Variants in MCM10 observed in about 807,000 individuals in gnomAD.
MCM10 encodes the protein protein MCM10 homolog.
In MCM10, 91 loss-of-function variants were observed where a neutral mutation model predicts 109.9. That is an observed-to-expected ratio of 0.83 (90% confidence interval 0.70 to 0.99). The LOEUF (loss-of-function observed/expected upper bound fraction) is 0.99. MCM10 is among the 50% of genes least tolerant of loss of function. The pLI is 0.00. For missense variants in MCM10, 1,077 were observed against 1,061.2 expected, an observed-to-expected ratio of 1.01 and a Z score of -0.21; for synonymous variants, 380 against 387.2, an observed-to-expected ratio of 0.98 and a Z score of 0.22.
intron 8 of MCM10, among the ~76,000 whole-genome samples, chr10:13,184,287 C>G (rs1350428575): frequency 6.6e-6 from 1 of 152,078 alleles, no homozygotes; most frequent in African/African-American, 2.4e-5. Context: ...GCCACCGTGC[C>G]CAGCATGATT....
At chr10:13,200,858 A>G (rs988585812) in intron 16 of MCM10, among the ~76,000 whole-genome samples, 1 of 152,222 alleles carries the variant, frequency 6.6e-6, no homozygotes, top group African/African-American at 2.4e-5. Flanking sequence ...AAAAGTCACC[A>G]AATGGGCCAG....
Position 13,171,070 on chromosome 10 carries a change from T to G in MCM10, c.156T>G (p.Gly52=). 6.2e-7 allele frequency: 1 copy of G among 1,613,974 alleles called. No individual in the cohort carries two copies. ...FDELFDADGD[G]ESYTEEADDG... ...AGCTCTTTGATGCCGACGGCGACGG[T>G]GAATCTTATACAGAAGAGGCTGATG... The change falls in exon 3 of 20, where the codon GGT becomes GGG. Residue 52 remains glycine (G), a synonymous_variant. Coordinates refer to ENST00000378714, the MANE Select transcript of MCM10 (RefSeq NM_018518.5).
intron 2 of MCM10, among the ~76,000 whole-genome samples, chr10:13,166,657 C>CATATATATATATATATAT (rs1491379684): frequency 3.0e-4 from 6 of 19,950 alleles, no homozygotes; most frequent in East Asian, 9.9e-4. Context: ...AAAATACATA[C>CATATATATATATATATAT]ATACATATAT....
chr10:13,190,895 A>C (rs544276289), intron 10 of MCM10, among the ~76,000 whole-genome samples: 52 of 152,166 alleles, frequency 3.4e-4, no homozygotes, highest in Non-Finnish European at 5.9e-5. Flanking sequence ...GCCTTAATTC[A>C]TTTAAACAAT....
intron 2 of MCM10, among the ~76,000 whole-genome samples, chr10:13,165,308 A>G (rs1227793165): frequency 4.6e-5 from 7 of 152,254 alleles, no homozygotes; most frequent in Non-Finnish European, 1.0e-4. Flanking sequence ...TATCCATTGT[A>G]CTGTCCTCAA....
intron 8 of MCM10, 97 bp downstream of exon 8, chr10:13,183,197 T>G: frequency 5.8e-6 from 8 of 1,377,226 alleles, no homozygotes; most frequent in Non-Finnish European, 7.9e-6. Context: ...GGCTCACACC[T>G]GTAATCCTAA....
rs138101188 is a variant in MCM10, at chr10:13,192,728, G to A, written c.1745+160G>A. Among the ~76,000 whole-genome samples, 313 of 151,816 alleles carry A rather than the reference G, an allele frequency of 2.1e-3. 1 individual carries two copies. Among genetic ancestry groups the A allele is most frequent in the African/African-American group, 7.0e-3 (290 of 41,396 alleles). ...TTCCCATAACCTGAATAGCATTTAA[G>A]GCTGTATTATTTCTTACACTGGTGA... On this transcript the variant is annotated intron_variant, in intron 13 of 19. Transcript: ENST00000378714.
At chr10:13,189,515 G>T (rs1026058975) in intron 10 of MCM10, among the ~76,000 whole-genome samples, 2 of 152,086 alleles carry the variant, frequency 1.3e-5, no homozygotes, top group African/African-American at 4.8e-5. Context: ...TACAGACAGG[G>T]TTTCACCATG....
chr10:13,185,283 G>A (rs986738530), intron 8 of MCM10, among the ~76,000 whole-genome samples: 1 of 152,212 alleles, frequency 6.6e-6, no homozygotes, highest in Non-Finnish European at 1.5e-5. Context: ...AGTGTTGTAA[G>A]AGATCTTGTC....
In MCM10 at chr10:13,171,067, C is replaced by A. The variant is rs546875897; in HGVS notation, c.153C>A (p.Asp51Glu). ...AFDELFDADG[D>E]GESYTEEADD... Reference sequence around the variant, plus strand: ...ATGAGCTCTTTGATGCCGACGGCGACGGTGAATCTTATACAGAAGAGGCTG... The same window carrying A: ...ATGAGCTCTTTGATGCCGACGGCGAAGGTGAATCTTATACAGAAGAGGCTG... Residue 51 changes from aspartate to glutamate, a missense_variant, in exon 3 of 20, where the codon GAC becomes GAA. Transcript: ENST00000378714. The A allele has an allele frequency of 1.6e-4, 252 of 1,614,142 alleles. 5 individuals are homozygous for A. In the South Asian group the frequency reaches 2.6e-3, roughly 17 times the overall value.
At chr10:13,164,069 T>G (rs759649785) in intron 1 of MCM10, 59 bp from the exon 2 acceptor site, 42 of 667,288 alleles carry the variant, frequency 6.3e-5, no homozygotes, top group Non-Finnish European at 8.9e-5. Context: ...TTGTTGGATG[T>G]GTGTTGTGAG....
chr10:13,183,500 C>A lies in MCM10; in HGVS notation c.1098+400C>A, dbSNP rs555252041. ...GTCTACCTCCAGAAAATAAGTCATG[C>A]TTTTATGTGATTGTGTCTCCGTGAA... On this transcript the variant is annotated intron_variant, in intron 8 of 19. Transcript: ENST00000378714. 2.6e-5 allele frequency among the ~76,000 whole-genome samples: 4 copies of A among 152,244 alleles called. No homozygotes were observed. In the East Asian group the frequency reaches 7.7e-4, roughly 29 times the overall value.
chr10:13,170,555 C>T (rs546250785), intron 2 of MCM10, among the ~76,000 whole-genome samples: 1 of 152,308 alleles, frequency 6.6e-6, no homozygotes, highest in South Asian at 2.1e-4. Context: ...GCCCACTCTA[C>T]TCACTAAGCA....
At chr10:13,181,398 A>C (rs1205488319) in intron 7 of MCM10, among the ~76,000 whole-genome samples, 1 of 152,166 alleles carries the variant, frequency 6.6e-6, no homozygotes, top group Non-Finnish European at 1.5e-5. Flanking sequence ...GTCCTAAGCC[A>C]TTATCCTCCA....
rs1588483430 is a variant in MCM10, at chr10:13,209,641, C to T, written c.*331C>T. On this transcript the variant is annotated 3_prime_UTR_variant, in exon 20 of 20. Transcript: ENST00000378714. ...GTATCTTTTGGTTATAGAGTGTTCA[C>T]TTCTTTATCATAACAAAATTCTAGT... 1 of 273,952 alleles carries T rather than the reference C, an allele frequency of 3.7e-6. No homozygotes were observed. Among genetic ancestry groups the T allele is most frequent in the East Asian group, 8.1e-5 (1 of 12,308 alleles). 17.0% of individuals were successfully genotyped at this position (273,952 alleles called of 1,614,324 possible).
chr10:13,182,726 TA>T lies in MCM10; in HGVS notation c.931-203del, dbSNP rs1030451598. On this transcript the variant is annotated intron_variant, in intron 7 of 19. Coordinates refer to ENST00000378714, the MANE Select transcript of MCM10 (RefSeq NM_018518.5). This position sits in a 1 kb window ranked among gnomAD's most constrained non-coding sequence, Gnocchi z 4.2. ...GCTTGCTTTATTTCACTTTCATCTCTAAAATGAGAAGGGTAATAGAATGCAA... is the reference window on the plus strand; with the variant it reads ...GCTTGCTTTATTTCACTTTCATCTCTAAATGAGAAGGGTAATAGAATGCAA... Among the ~76,000 whole-genome samples the T allele has an allele frequency of 6.6e-6, 1 of 152,112 alleles. No homozygotes were observed. Among genetic ancestry groups the T allele is most frequent in the Admixed American group, 6.6e-5 (1 of 15,266 alleles).
At position 13,172,738 on chromosome 10, in the gene MCM10, G is replaced by A. The variant is rs139480825; in HGVS notation, c.565G>A (p.Ala189Thr). 3.8e-5 allele frequency: 61 copies of A among 1,614,014 alleles called. No individual in the cohort carries two copies. The highest frequency in any genetic ancestry group is 4.9e-5 in the Non-Finnish European group (58 of 1,180,046). The change falls in exon 5 of 20, where the codon GCT (alanine) becomes ACT (threonine). Residue 189 changes from alanine (A) to threonine (T), a missense_variant. Transcript: ENST00000378714. This position sits in a 1 kb window ranked among gnomAD's most constrained non-coding sequence, Gnocchi z 5.2. ...VPALPRTKRVARTPKASPPDP... is the reference protein window; with the variant it reads ...VPALPRTKRVTRTPKASPPDP... The stretch of plus-strand genomic sequence containing the variant: ...TGCGCTACCAAGAACCAAGAGGGTG[G>A]CTCGAACACCAAAGGCTTCACCTCC...
intron 10 of MCM10, among the ~76,000 whole-genome samples, chr10:13,189,914 T>C (rs543535748): frequency 6.6e-6 from 1 of 152,228 alleles, no homozygotes; most frequent in South Asian, 2.1e-4. Flanking sequence ...TGGGCCCCTT[T>C]GGAAGAATTG....
intron 18 of MCM10, 50 bp from the exon 19 acceptor site, chr10:13,209,041 T>G (rs1454893762): frequency 7.3e-7 from 1 of 1,379,030 alleles, no homozygotes; most frequent in Non-Finnish European, 1.0e-6. Context: ...CGTCTTTACA[T>G]GAGTGGGCCT....
Sources: allele counts gnomAD v4.1 joint callset (sites outside exome capture counted in the v4.1 genomes callset), GRCh38; gene constraint gnomAD v4.1.1; non-coding constraint Gnocchi (gnomAD v3.1); transcripts MANE v1.5; gene names NCBI Gene and HGNC (gene_info 2026-07-23, HGNC 2026-07-21).